Variants in PTCSC3 observed in about 807,000 individuals in gnomAD.
PTCSC3 encodes papillary thyroid carcinoma susceptibility candidate 3.
chr14:36,149,005 A>T (rs910743467), intron 3 of PTCSC3, among the ~76,000 whole-genome samples: 1 of 150,670 alleles, frequency 6.6e-6, no homozygotes, highest in African/African-American at 2.4e-5. Flanking sequence ...GTTAATTTCC[A>T]CTCTAATTTT....
At chr14:36,145,327 C>A (rs1240128932) in intron 3 of PTCSC3, among the ~76,000 whole-genome samples, 2 of 151,332 alleles carry the variant, frequency 1.3e-5, no homozygotes, top group African/African-American at 2.4e-5. Context: ...GATTATTGCC[C>A]CAATTTCAGA....
intron 3 of PTCSC3, among the ~76,000 whole-genome samples, chr14:36,142,603 C>T (rs1254612487): frequency 1.3e-5 from 2 of 151,498 alleles, no homozygotes; most frequent in Admixed American, 1.3e-4. Flanking sequence ...GTGAGACTAT[C>T]TGGGCCTGGT....
At chr14:36,148,647 G>A (rs1235476849) in intron 3 of PTCSC3, among the ~76,000 whole-genome samples, 7 of 152,318 alleles carry the variant, frequency 4.6e-5, no homozygotes, top group African/African-American at 1.7e-4. Context: ...GCTGGTAGCT[G>A]TAGACCGGAG....
intron 3 of PTCSC3, among the ~76,000 whole-genome samples, chr14:36,142,353 G>C (rs10150866): frequency 3.4e-4 from 52 of 152,164 alleles, no homozygotes; most frequent in Admixed American, 9.2e-4. Flanking sequence ...CATACCTGCC[G>C]TATGGTTGTG....
chr14:36,145,549 C>T (rs1566503588), intron 3 of PTCSC3, among the ~76,000 whole-genome samples: 3 of 143,004 alleles, frequency 2.1e-5, no homozygotes, highest in African/African-American at 7.8e-5. Context: ...ATTCTTCTCT[C>T]TTTTTTTCTT....
At chr14:36,172,040 C>T (rs934749645) in intron 1 of PTCSC3, among the ~76,000 whole-genome samples, 2 of 152,070 alleles carry the variant, frequency 1.3e-5, no homozygotes, top group South Asian at 2.1e-4. Context: ...AGAAAGATGA[C>T]AACTAGTGAA....
intron 1 of PTCSC3, among the ~76,000 whole-genome samples, chr14:36,167,022 C>A (rs1882100849): frequency 6.6e-6 from 1 of 152,154 alleles, no homozygotes; most frequent in Admixed American, 6.5e-5. Context: ...GAGGCTATAC[C>A]ATAATCTTTC....
intron 1 of PTCSC3, among the ~76,000 whole-genome samples, chr14:36,166,266 T>C (rs1882084666): frequency 6.6e-6 from 1 of 152,116 alleles, no homozygotes; most frequent in Non-Finnish European, 1.5e-5. Flanking sequence ...AAGTCTTAAG[T>C]CCTTGATGAC....
intron 3 of PTCSC3, among the ~76,000 whole-genome samples, chr14:36,148,718 C>G (rs1464414404): frequency 6.6e-6 from 1 of 152,178 alleles, no homozygotes; most frequent in African/African-American, 2.4e-5. Context: ...AGATTCAGGC[C>G]TATTCAGATG....
intron 2 of PTCSC3, among the ~76,000 whole-genome samples, chr14:36,154,402 A>G (rs1881787424): frequency 6.6e-6 from 1 of 152,258 alleles, no homozygotes; most frequent in Non-Finnish European, 1.5e-5. Context: ...TATCACAAAC[A>G]TGCTGAAAAG....
intron 2 of PTCSC3, among the ~76,000 whole-genome samples, chr14:36,158,201 AG>A (rs1881872447): frequency 6.6e-6 from 1 of 152,222 alleles, no homozygotes; most frequent in African/African-American, 2.4e-5. Context: ...ATCTGCAAAC[AG>A]AGACAATTTG....
chr14:36,161,664 G>A (rs925353040), intron 2 of PTCSC3, among the ~76,000 whole-genome samples: 3 of 152,162 alleles, frequency 2.0e-5, no homozygotes, highest in Non-Finnish European at 4.4e-5. Context: ...TGTCCACCCC[G>A]GCTGGGAGGT....
intron 3 of PTCSC3, among the ~76,000 whole-genome samples, chr14:36,142,757 C>A (rs1881454564): frequency 6.6e-6 from 1 of 150,902 alleles, no homozygotes; most frequent in African/African-American, 2.4e-5. Flanking sequence ...GCTGCACCCA[C>A]TAACTCATCA....
At chr14:36,158,911 A>T (rs367842815) in intron 2 of PTCSC3, among the ~76,000 whole-genome samples, 2 of 152,190 alleles carry the variant, frequency 1.3e-5, no homozygotes, top group East Asian at 3.8e-4. Flanking sequence ...TAGGCTATTA[A>T]TTACTGCCTG....
At chr14:36,142,408 C>G (rs988873904) in intron 3 of PTCSC3, among the ~76,000 whole-genome samples, 1 of 152,144 alleles carries the variant, frequency 6.6e-6, no homozygotes, top group South Asian at 2.1e-4. Context: ...ATTTTAACAC[C>G]TGTATTCATG....
intron 3 of PTCSC3, among the ~76,000 whole-genome samples, chr14:36,144,175 GT>G (rs1050738369): frequency 2.0e-5 from 3 of 151,780 alleles, no homozygotes; most frequent in Admixed American, 2.0e-4. Flanking sequence ...CTTTAAAGTA[GT>G]TTTTTCCAAT....
At chr14:36,152,393 T>C (rs552460837) in intron 3 of PTCSC3, among the ~76,000 whole-genome samples, 1 of 152,196 alleles carries the variant, frequency 6.6e-6, no homozygotes, top group African/African-American at 2.4e-5. Context: ...AATTTGAGTC[T>C]ACAGTGTGCT....
At chr14:36,157,887 G>T (rs1340023221) in intron 2 of PTCSC3, among the ~76,000 whole-genome samples, 1 of 151,748 alleles carries the variant, frequency 6.6e-6, no homozygotes, top group Non-Finnish European at 1.5e-5. Flanking sequence ...TCCTATCCAT[G>T]AGCATGGAAT....
intron 1 of PTCSC3, among the ~76,000 whole-genome samples, chr14:36,174,873 T>C (rs182525021): frequency 1.3e-5 from 2 of 151,424 alleles, no homozygotes; most frequent in East Asian, 3.9e-4. Flanking sequence ...AACAAGATGT[T>C]AATAAATCTC....
Sources: allele counts gnomAD v4.1 joint callset (sites outside exome capture counted in the v4.1 genomes callset), GRCh38; gene constraint gnomAD v4.1.1; transcripts MANE v1.5; gene names NCBI Gene and HGNC (gene_info 2026-07-23, HGNC 2026-07-21).